SUPT3H: variants seen among roughly 807,000 people sequenced by gnomAD.
The protein encoded by SUPT3H is SPT3 homolog, SAGA and STAGA complex component, also known as transcription initiation protein SPT3 homolog.
In SUPT3H, 44 loss-of-function variants were observed where a neutral mutation model predicts 44.3. That is an observed-to-expected ratio of 0.99 (90% CI 0.78 to 1.28). SUPT3H has a LOEUF of 1.28. SUPT3H is among the 50% of genes most tolerant of loss of function. The pLI is 0.00. For missense variants in SUPT3H, 380 were observed against 387.1 expected (o/e 0.98, Z 0.15); for synonymous variants, 124 against 125.6 (o/e 0.99, Z 0.09).
chr6:45,273,715 T>C (rs1230741219), intron 2 of SUPT3H, among the ~76,000 whole-genome samples: 1 of 152,218 alleles, frequency 6.6e-6, no homozygotes, highest in African/African-American at 2.4e-5. Flanking sequence ...ATTCATCAGG[T>C]AACAAATATT....
At chr6:45,057,999 C>T (rs760538226) in intron 3 of SUPT3H, among the ~76,000 whole-genome samples, 8 of 152,050 alleles carry the variant, frequency 5.3e-5, no homozygotes, top group Non-Finnish European at 7.4e-5. Flanking sequence ...TGAAACAATG[C>T]CAATTAGAGA....
At chr6:44,984,528 A>G (rs1375310734) in intron 6 of SUPT3H, among the ~76,000 whole-genome samples, 1 of 152,152 alleles carries the variant, frequency 6.6e-6, no homozygotes, top group Non-Finnish European at 1.5e-5. Context: ...TTTTCCAAAC[A>G]ACATGTCAAA....
chr6:45,124,150 G>A (rs893795303), intron 2 of SUPT3H, among the ~76,000 whole-genome samples: 1 of 151,946 alleles, frequency 6.6e-6, no homozygotes, highest in African/African-American at 2.4e-5. Flanking sequence ...AAATAATCAA[G>A]AACTTCTTTT....
intron 2 of SUPT3H, among the ~76,000 whole-genome samples, chr6:45,134,183 T>A (rs1803913727): frequency 6.6e-6 from 1 of 151,982 alleles, no homozygotes; most frequent in South Asian, 2.1e-4. Flanking sequence ...TGGCAAAAGG[T>A]GAAAGGGCAA....
At chr6:44,983,911 T>C (rs1175869664) in intron 6 of SUPT3H, among the ~76,000 whole-genome samples, 1 of 152,218 alleles carries the variant, frequency 6.6e-6, no homozygotes, top group African/African-American at 2.4e-5. Flanking sequence ...CTAAGATAAC[T>C]GTACAGTATG....
Position 44,909,142 on chromosome 6 carries a change from CGTGTGTGT to C in SUPT3H, c.912+23503_912+23510del, listed in dbSNP as rs34494107. On this transcript the variant is annotated intron_variant, in intron 10 of 10. Transcript: ENST00000371459. ...CCTAAGAGGTGTGTGTGTGTGTGTGCGTGTGTGTGTGTGTGTGTGTGTGTGTGTGGTTA... is the reference window on the plus strand; with the variant it reads ...CCTAAGAGGTGTGTGTGTGTGTGTGCGTGTGTGTGTGTGTGTGTGTGGTTA... 1.7e-3 allele frequency among the ~76,000 whole-genome samples: 244 copies of C among 147,050 alleles called. 1 individual carries two copies. Among genetic ancestry groups the C allele is most frequent in the Middle Eastern group, 3.6e-3 (1 of 278 alleles).
intron 3 of SUPT3H, among the ~76,000 whole-genome samples, chr6:45,094,133 C>G (rs1797489568): frequency 6.6e-6 from 1 of 152,094 alleles, no homozygotes; most frequent in Non-Finnish European, 1.5e-5. Context: ...TCTGGTAAAT[C>G]TAAAACACTT....
At chr6:45,208,985 A>G (rs1763659779) in intron 2 of SUPT3H, among the ~76,000 whole-genome samples, 1 of 152,142 alleles carries the variant, frequency 6.6e-6, no homozygotes, top group Admixed American at 6.6e-5. Flanking sequence ...ATTATACTAA[A>G]TGTACTCTTC....
intron 3 of SUPT3H, among the ~76,000 whole-genome samples, chr6:45,071,129 T>C (rs926125084): frequency 6.6e-6 from 1 of 152,088 alleles, no homozygotes; most frequent in East Asian, 1.9e-4. Flanking sequence ...AATAGAAATA[T>C]GTATCTTCAT....
In SUPT3H at chr6:45,116,838, C is replaced by T. The variant is rs1583630091; in HGVS notation, c.102-10832G>A. On this transcript the variant is annotated intron_variant, in intron 2 of 10. Transcript: ENST00000371459. Reference sequence around the variant, plus strand: ...ACCACAATCTAGTTTCAGAACATTTCCATCATTCCAAAACAATGTCTCATG... The same window carrying T: ...ACCACAATCTAGTTTCAGAACATTTTCATCATTCCAAAACAATGTCTCATG... 3.3e-5 allele frequency among the ~76,000 whole-genome samples: 5 copies of T among 152,178 alleles called. No individual in the cohort carries two copies. The Middle Eastern group carries it at 0.017, about 518-fold the overall frequency.
At chr6:44,952,618 G>C (rs1037545689) in intron 9 of SUPT3H, among the ~76,000 whole-genome samples, 5 of 152,162 alleles carry the variant, frequency 3.3e-5, no homozygotes, top group African/African-American at 1.2e-4. Flanking sequence ...TGAAACTGCT[G>C]TTTTTGTTAG....
intron 2 of SUPT3H, among the ~76,000 whole-genome samples, chr6:45,233,971 C>T (rs1768583579): frequency 6.6e-6 from 1 of 152,210 alleles, no homozygotes; most frequent in East Asian, 1.9e-4. Flanking sequence ...CTAAAAACAA[C>T]TAAAATGGAT....
intron 2 of SUPT3H, among the ~76,000 whole-genome samples, chr6:45,150,476 C>T (rs947575042): frequency 6.6e-6 from 1 of 151,934 alleles, no homozygotes; most frequent in African/African-American, 2.4e-5. Flanking sequence ...AGTAGAGAGA[C>T]AACACAAAAT....
At chr6:45,303,657 C>G (rs1321629702) in intron 2 of SUPT3H, among the ~76,000 whole-genome samples, 10 of 145,230 alleles carry the variant, frequency 6.9e-5, no homozygotes, top group Admixed American at 6.2e-4. Context: ...TGAGATGTTG[C>G]CTGATTCTAG....
At chr6:45,365,087 G>T in intron 2 of SUPT3H, 114 bp downstream of exon 2, 1 of 687,182 alleles carries the variant, frequency 1.5e-6, no homozygotes, top group Non-Finnish European at 2.2e-6. Flanking sequence ...ATTTTTACTT[G>T]ATTAATAACA....
intron 2 of SUPT3H, among the ~76,000 whole-genome samples, chr6:45,177,880 G>A (rs1230199508): frequency 6.6e-6 from 1 of 151,960 alleles, no homozygotes; most frequent in Admixed American, 6.6e-5. Context: ...GAGAGATTTT[G>A]TCACCACCAG....
intron 2 of SUPT3H, among the ~76,000 whole-genome samples, chr6:45,229,622 G>T (rs1161571387): frequency 6.6e-6 from 1 of 151,932 alleles, no homozygotes; most frequent in African/African-American, 2.4e-5. Context: ...CAACTATTCC[G>T]AGAACACATT....
At chr6:44,995,756 AAAAAT>A (rs766861105) in intron 6 of SUPT3H, among the ~76,000 whole-genome samples, 13 of 152,030 alleles carry the variant, frequency 8.6e-5, no homozygotes, top group African/African-American at 3.1e-4. Flanking sequence ...TTCTGATGGG[AAAAAT>A]AAAATAAAAT....
At chr6:45,336,572 C>T (rs1788591818) in intron 2 of SUPT3H, among the ~76,000 whole-genome samples, 1 of 151,268 alleles carries the variant, frequency 6.6e-6, no homozygotes, top group Non-Finnish European at 1.5e-5. Flanking sequence ...GCTTAAATTG[C>T]TAAATTATTT....
Sources: gnomAD v4.1 joint callset for allele counts (sites outside exome capture counted in the v4.1 genomes callset) on GRCh38, gnomAD v4.1.1 for gene constraint, MANE v1.5 for transcripts, NCBI Gene and HGNC (gene_info 2026-07-23, HGNC 2026-07-21) for gene names.